LRRTM3: variants seen among roughly 807,000 people sequenced by gnomAD.
LRRTM3 encodes leucine-rich repeat transmembrane neuronal protein 3.
Under a neutral mutation model 44.7 loss-of-function variants are expected in LRRTM3, and 24 were observed. The observed-to-expected ratio is 0.54, with a 90% CI of 0.39 to 0.76. The LOEUF (loss-of-function observed/expected upper bound fraction) is 0.76. Ranked by LOEUF, LRRTM3 falls within the 30% of genes least tolerant of loss-of-function variation. The pLI is 0.00. For synonymous variants in LRRTM3, 277 were observed against 278.7 expected (o/e 0.99, Z 0.06); for missense variants, 587 against 702.2 (o/e 0.84, Z 1.85).
chr10:66,974,595 A>G (rs948760058), intron 2 of LRRTM3, among the ~76,000 whole-genome samples: 1 of 152,198 alleles, frequency 6.6e-6, no homozygotes, highest in African/African-American at 2.4e-5. Flanking sequence ...TGTTCTTCAA[A>G]GTGGTTATTC....
At chr10:67,049,237 A>T (rs1032928388) in intron 2 of LRRTM3, among the ~76,000 whole-genome samples, 4 of 152,070 alleles carry the variant, frequency 2.6e-5, no homozygotes, top group Non-Finnish European at 5.9e-5. Context: ...TTATTTCCAT[A>T]TTGATCATGT....
chr10:67,089,182 G>T (rs1190483772), intron 2 of LRRTM3, among the ~76,000 whole-genome samples: 1 of 152,022 alleles, frequency 6.6e-6, no homozygotes, highest in African/African-American at 2.4e-5. Flanking sequence ...AGGGAGGACT[G>T]TACTTGTGAC....
chr10:66,939,630 G>A (rs889546578), intron 2 of LRRTM3, among the ~76,000 whole-genome samples: 4 of 152,066 alleles, frequency 2.6e-5, no homozygotes, highest in Non-Finnish European at 4.4e-5. Context: ...AATTTGTAAG[G>A]TAGGGCAGAC....
At chr10:67,056,016 A>G (rs1230594692) in intron 2 of LRRTM3, among the ~76,000 whole-genome samples, 2 of 152,072 alleles carry the variant, frequency 1.3e-5, no homozygotes, top group Non-Finnish European at 2.9e-5. Context: ...CTTTTGCCAC[A>G]TGTAATATAT....
intron 2 of LRRTM3, among the ~76,000 whole-genome samples, chr10:66,966,436 T>A (rs192830595): frequency 6.6e-6 from 1 of 151,832 alleles, no homozygotes; most frequent in East Asian, 2.1e-4. Flanking sequence ...CATATATTTA[T>A]CATTTTAAAG....
chr10:66,986,398 G>C (rs1475860907), intron 2 of LRRTM3, among the ~76,000 whole-genome samples: 1 of 152,120 alleles, frequency 6.6e-6, no homozygotes, highest in Non-Finnish European at 1.5e-5. Context: ...TCTGGAGGCT[G>C]AGACAGGAGA....
At chr10:66,937,632 A>G (rs10997448) in intron 2 of LRRTM3, among the ~76,000 whole-genome samples, 42,687 of 152,032 alleles carry the variant, frequency 0.28, 6,282 homozygotes, top group Middle Eastern at 0.34. Flanking sequence ...GTAGTACATA[A>G]AACCAATGTC....
chr10:67,093,453 G>T (rs1857781416), intron 2 of LRRTM3, among the ~76,000 whole-genome samples: 1 of 151,612 alleles, frequency 6.6e-6, no homozygotes, highest in African/African-American at 2.4e-5. Context: ...ATAGAGAGAG[G>T]TTACTGTGAA....
intron 2 of LRRTM3, among the ~76,000 whole-genome samples, chr10:67,020,384 GC>G (rs1251726446): frequency 1.3e-5 from 2 of 152,064 alleles, no homozygotes; most frequent in Non-Finnish European, 2.9e-5. Context: ...TCCCTTCTGA[GC>G]TTTTATTATC....
At chr10:67,040,439 C>A (rs973460177) in intron 2 of LRRTM3, among the ~76,000 whole-genome samples, 12 of 152,022 alleles carry the variant, frequency 7.9e-5, no homozygotes, top group Admixed American at 1.3e-4. Context: ...TGCAAAGTAT[C>A]CAATTTGTCA....
At chr10:67,075,918 A>G (rs555457802) in intron 2 of LRRTM3, among the ~76,000 whole-genome samples, 39 of 152,380 alleles carry the variant, frequency 2.6e-4, no homozygotes, top group African/African-American at 8.4e-4. Flanking sequence ...AGAATCCAGA[A>G]GCACAGATGG....
chr10:66,948,441 T>G (rs1848381607), intron 2 of LRRTM3, among the ~76,000 whole-genome samples: 1 of 152,234 alleles, frequency 6.6e-6, no homozygotes, highest in Non-Finnish European at 1.5e-5. Context: ...GATGCGTTTT[T>G]AAGAGAGCAG....
intron 2 of LRRTM3, among the ~76,000 whole-genome samples, chr10:67,045,714 G>C (rs780526715): frequency 6.6e-6 from 1 of 152,214 alleles, no homozygotes; most frequent in Non-Finnish European, 1.5e-5. Context: ...GCGGGGGACC[G>C]ACATCCGAGA....
chr10:67,082,531 G>A (rs1431712329), intron 2 of LRRTM3, among the ~76,000 whole-genome samples: 1 of 152,144 alleles, frequency 6.6e-6, no homozygotes, highest in Admixed American at 6.5e-5. Context: ...ATAGTAAGAA[G>A]TTGAGAATCA....
intron 2 of LRRTM3, among the ~76,000 whole-genome samples, chr10:66,959,062 C>G (rs138716059): frequency 6.6e-6 from 1 of 152,082 alleles, no homozygotes; most frequent in South Asian, 2.1e-4. Flanking sequence ...TCCTGCCAAG[C>G]GCTGGTATCC....
intron 2 of LRRTM3, among the ~76,000 whole-genome samples, chr10:67,067,300 C>CCTTAA (rs1856154444): frequency 1.3e-5 from 2 of 151,512 alleles, no homozygotes; most frequent in Admixed American, 1.3e-4. Context: ...TCAGTAACCA[C>CCTTAA]TTTAATACTG....
chr10:67,044,300 T>C (rs922684222), intron 2 of LRRTM3, among the ~76,000 whole-genome samples: 1 of 152,120 alleles, frequency 6.6e-6, no homozygotes, highest in Non-Finnish European at 1.5e-5. Context: ...ATTTAACAAT[T>C]TAACGAGGGG....
chr10:67,049,547 T>C (rs1247250560), intron 2 of LRRTM3, among the ~76,000 whole-genome samples: 2 of 152,160 alleles, frequency 1.3e-5, no homozygotes. Context: ...GTTGAGATGA[T>C]AAAACTTCAA....
At chr10:67,011,379 A>C (rs529751660) in intron 2 of LRRTM3, among the ~76,000 whole-genome samples, 1 of 151,948 alleles carries the variant, frequency 6.6e-6, no homozygotes, top group South Asian at 2.1e-4. Context: ...TGTTTTTAAT[A>C]ATAAACTATT....
Sources: allele counts gnomAD v4.1 joint callset (sites outside exome capture counted in the v4.1 genomes callset), GRCh38; gene constraint gnomAD v4.1.1; transcripts MANE v1.5; gene names NCBI Gene and HGNC (gene_info 2026-07-23, HGNC 2026-07-21).